The following SMC6 variants were observed in gnomAD, a reference collection of about 807,000 sequenced individuals.
SMC6 encodes the protein structural maintenance of chromosomes protein 6.
SMC6 carries 79 observed loss-of-function variants against 142.2 expected under a neutral mutation model. That is an observed-to-expected ratio of 0.56 (90% CI 0.46 to 0.67). The LOEUF (loss-of-function observed/expected upper bound fraction) is 0.67. SMC6 is among the 30% of genes least tolerant of loss of function. The pLI is 0.00. For synonymous variants in SMC6, 411 were observed against 412.4 expected (o/e 1.00, Z 0.04); for missense variants, 1,072 against 1,284.0 (o/e 0.83, Z 2.52).
chr2:17,721,919 C>T (rs1418630402), intron 9 of SMC6, among the ~76,000 whole-genome samples: 2 of 152,078 alleles, frequency 1.3e-5, no homozygotes, highest in East Asian at 1.9e-4. Context: ...ACTGAGTTCA[C>T]GTTTAATAAT....
Position 17,716,079 on chromosome 2 carries a change from C to A in SMC6, c.1525+7G>T. 1 of 1,492,236 alleles carries A rather than the reference C, an allele frequency of 6.7e-7. No homozygotes were observed. The highest frequency in any genetic ancestry group is 8.9e-7 in the Non-Finnish European group (1 of 1,126,384). The allele number at this position is 1,492,236 out of a possible 1,614,324, so 92.4% of individuals were successfully genotyped here. A position where few individuals can be genotyped will look rare whatever the true frequency, so the allele number is the denominator to read the frequency against. On this transcript the variant is annotated splice_region_variant and intron_variant, in intron 15 of 27. Coordinates refer to ENST00000448223, the MANE Select transcript of SMC6 (RefSeq NM_001142286.2). ...TTATTATAACCTCGCTAAATTAAGA[C>A]AAATACCTAAAGGGCCTACAGGTTT...
Position 17,732,524 on chromosome 2 carries a change from C to A in SMC6, c.345-647G>T, listed in dbSNP as rs570296538. On this transcript the variant is annotated intron_variant, in intron 5 of 27. Transcript: ENST00000448223. ...CACCAGCCTGGCCAACACGGTGAAA[C>A]CCCATCTCTACAAAAAATACAAAAA... 3.5e-4 allele frequency among the ~76,000 whole-genome samples: 53 copies of A among 151,996 alleles called. 2 individuals are homozygous for A. In the South Asian group the frequency reaches 0.01, roughly 30 times the overall value.
At chr2:17,708,208 C>T (rs955911568) in intron 17 of SMC6, among the ~76,000 whole-genome samples, 71 of 152,072 alleles carry the variant, frequency 4.7e-4, no homozygotes, top group Admixed American at 4.7e-3. Flanking sequence ...AACACCTACA[C>T]AGATAAATAG....
At chr2:17,741,809 A>G (rs909833934) in intron 3 of SMC6, 80 bp from the exon 4 acceptor site, 2 of 848,994 alleles carry the variant, frequency 2.4e-6, no homozygotes, top group Non-Finnish European at 1.8e-6. Flanking sequence ...GGCATCAGAA[A>G]GACTAGCACC....
At chr2:17,670,265 TAGTTC>T (rs775614586) in intron 26 of SMC6, among the ~76,000 whole-genome samples, 153 bp downstream of exon 26, 2 of 149,498 alleles carry the variant, frequency 1.3e-5, no homozygotes, top group African/African-American at 2.4e-5. Context: ...GAGAGAACTC[TAGTTC>T]TTTAGTTCTT....
chr2:17,697,216 G>A (rs1280812009), intron 21 of SMC6, among the ~76,000 whole-genome samples: 2 of 151,940 alleles, frequency 1.3e-5, no homozygotes, highest in African/African-American at 4.8e-5. Context: ...AGTTGTTGGA[G>A]GTTCTGGATA....
chr2:17,736,820 C>G (rs938428863), intron 5 of SMC6, among the ~76,000 whole-genome samples: 3 of 151,712 alleles, frequency 2.0e-5, no homozygotes, highest in African/African-American at 7.3e-5. Flanking sequence ...TGTAGTGAGC[C>G]AAGACTGTAC....
chr2:17,707,995 T>TAC lies in SMC6; in HGVS notation c.1846-617_1846-616insGT, dbSNP rs1403352356. On this transcript the variant is annotated intron_variant, in intron 17 of 27. Transcript: ENST00000448223. ...ATATGAACATATGTATATGTATATA[T>TAC]ATACACACACACACACACACACACA... Among the ~76,000 whole-genome samples the TAC allele has an allele frequency of 1.2e-4, 12 of 102,572 alleles. No individual in the cohort carries two copies. In the East Asian group the frequency reaches 1.8e-3, roughly 15 times the overall value. 67.3% of individuals were successfully genotyped at this position (102,572 alleles called of 152,430 possible).
chr2:17,732,224 A>C (rs1157429175), intron 5 of SMC6, among the ~76,000 whole-genome samples: 2 of 152,202 alleles, frequency 1.3e-5, no homozygotes, highest in African/African-American at 2.4e-5. Context: ...TGTAATCAAA[A>C]TTATACTGCC....
At chr2:17,671,451 A>AC (rs1558323107) in intron 25 of SMC6, among the ~76,000 whole-genome samples, 3 of 151,492 alleles carry the variant, frequency 2.0e-5, no homozygotes, top group Non-Finnish European at 2.9e-5. Flanking sequence ...ACACACAAAA[A>AC]TACAAAAACT....
At position 17,731,804 on chromosome 2, in the gene SMC6, T is replaced by C. The variant is rs1669926554; in HGVS notation, c.418A>G (p.Ile140Val). The change falls in exon 6 of 28, where the codon ATA (isoleucine) becomes GTA (valine). Residue 140 changes from isoleucine to valine, a missense_variant. Around this residue, in one of 3 missense-constraint regions of SMC6, gnomAD observed 994 missense variants for 1,153.2 expected, o/e 0.86. Coordinates refer to ENST00000448223, the MANE Select transcript of SMC6 (RefSeq NM_001142286.2). Reference protein sequence around the residue: ...AFKASVYGNSILIQQHISIDG... With the variant: ...AFKASVYGNSVLIQQHISIDG... Reference sequence around the variant, plus strand: ...ATGCTGATGTGTTGCTGTATAAGTATAGAGTTACCATACACACTGGCTTTA... The same window carrying C: ...ATGCTGATGTGTTGCTGTATAAGTACAGAGTTACCATACACACTGGCTTTA... 3.7e-6 allele frequency: 6 copies of C among 1,613,730 alleles called. No individual in the cohort carries two copies. The highest frequency in any genetic ancestry group is 1.3e-5 in the African/African-American group (1 of 74,914).
chr2:17,707,258 C>A lies in SMC6; in HGVS notation c.1967G>T (p.Arg656Ile). 6.2e-7 allele frequency: 1 copy of A among 1,600,242 alleles called. No homozygotes were observed. The highest frequency in any genetic ancestry group is 1.1e-5 in the South Asian group (1 of 88,252). Residue 656 changes from arginine (R) to isoleucine (I), a missense_variant, in exon 18 of 28, where the codon AGA becomes ATA. Physicochemically the swap from Arg to Ile is moderately conservative, Grantham distance 97. This residue lies in a region of SMC6 where 994 missense variants were observed against 1,153.2 expected (regional missense o/e 0.86). Transcript: ENST00000448223. ...CACATCTCTGCTTAGGAACTTAGGTCTTGTATTTTCAGATGAATAATAACG... is the reference window on the plus strand; with the variant it reads ...CACATCTCTGCTTAGGAACTTAGGTATTGTATTTTCAGATGAATAATAACG... ...AGRYYSSENT[R>I]PKFLSRDVDS...
rs886475469 is a variant in SMC6 at position 17,669,396 on chromosome 2, T to C, written c.3063+1027A>G. Among the ~76,000 whole-genome samples, 4 of 152,094 alleles carry C rather than the reference T, an allele frequency of 2.6e-5. 1 individual carries two copies. The South Asian group carries it at 8.3e-4, about 32-fold the overall frequency. On this transcript the variant is annotated intron_variant, in intron 26 of 27. Transcript: ENST00000448223. ...TGATAGGTATCTGTCCATACGCAGG[T>C]AGTAGTTTTGGGGACTGTGATATGT... is the stretch of plus-strand genomic sequence containing the variant.
At chr2:17,728,649 G>A (rs1362201044) in intron 7 of SMC6, among the ~76,000 whole-genome samples, 7 of 152,102 alleles carry the variant, frequency 4.6e-5, no homozygotes, top group Non-Finnish European at 8.8e-5. Context: ...CGGAGGCACA[G>A]AAGACAAATA....
intron 24 of SMC6, chr2:17,680,968 C>A (rs1413592549): frequency 6.6e-6 from 1 of 152,228 alleles, no homozygotes; most frequent in East Asian, 1.9e-4. Flanking sequence ...AGCCGTAGAT[C>A]GTATCTTCTA....
Position 17,696,443 on chromosome 2 carries a change from A to T in SMC6, c.2395-17T>A. On this transcript the variant is annotated splice_polypyrimidine_tract_variant and intron_variant, in intron 21 of 27. Coordinates refer to ENST00000448223, the MANE Select transcript of SMC6 (RefSeq NM_001142286.2). ...TAATTCATCCTGTTTGAACAAAGCCAGAATAAAAGATTGTTTTAAAAAAAT... is the reference window on the plus strand; with the variant it reads ...TAATTCATCCTGTTTGAACAAAGCCTGAATAAAAGATTGTTTTAAAAAAAT... The T allele has an allele frequency of 1.9e-6, 3 of 1,593,256 alleles. No homozygotes were observed. The highest frequency in any genetic ancestry group is 2.6e-6 in the Non-Finnish European group (3 of 1,175,416).
At chr2:17,727,596 T>C (rs924969479) in intron 7 of SMC6, among the ~76,000 whole-genome samples, 15 of 152,130 alleles carry the variant, frequency 9.9e-5, no homozygotes, top group Admixed American at 8.5e-4. Context: ...CTAATACACC[T>C]AACAAGTTAA....
Position 17,665,580 on chromosome 2 carries a change from G to C in SMC6, c.3195C>G (p.Leu1065=), listed in dbSNP as rs1163274971. ...GTCCTCTTTCAGGATCAGACATTCG[G>C]AGAATTCTTATCAGTTTACTGGATG... is the stretch of plus-strand genomic sequence containing the variant. ...SLPSSKLIRI[L]RMSDPERGQT... Residue 1065 remains leucine, a synonymous_variant, in exon 28 of 28, where the codon CTC becomes CTG. Coordinates refer to ENST00000448223, the MANE Select transcript of SMC6 (RefSeq NM_001142286.2). The C allele has an allele frequency of 6.2e-7, 1 of 1,609,958 alleles. No individual in the cohort carries two copies. The highest frequency in any genetic ancestry group is 8.5e-7 in the Non-Finnish European group (1 of 1,177,874).
intron 4 of SMC6, chr2:17,740,805 G>T (rs1174911472): frequency 8.1e-6 from 3 of 369,400 alleles, no homozygotes; most frequent in African/African-American, 4.6e-5. Context: ...AGCCGAGATC[G>T]CACCACTGCA....
Sources: allele counts gnomAD v4.1 joint callset (sites outside exome capture counted in the v4.1 genomes callset), GRCh38; gene constraint gnomAD v4.1.1; regional missense constraint gnomAD v4.1.1; transcripts MANE v1.5; gene names NCBI Gene and HGNC (gene_info 2026-07-23, HGNC 2026-07-21).